TGM6: variants seen among roughly 807,000 people sequenced by gnomAD.
TGM6 encodes transglutaminase 6, also known as protein-glutamine gamma-glutamyltransferase 6.
TGM6 carries 74 observed loss-of-function variants against 77.5 expected under a neutral mutation model. That is an observed-to-expected ratio of 0.96 (90% CI 0.79 to 1.16). The LOEUF (loss-of-function observed/expected upper bound fraction) is 1.16. TGM6 is among the 50% of genes most tolerant of loss of function. The probability of loss-of-function intolerance (pLI) is 0.00; values close to 1 mark genes in which losing one functional copy is unlikely to be tolerated. For missense variants in TGM6, 968 were observed against 940.2 expected (o/e 1.03, Z -0.39); for synonymous variants, 383 against 378.9 (o/e 1.01, Z -0.12).
At position 2,432,587 on chromosome 20, in the gene TGM6, C is replaced by T. The variant is rs76002756; in HGVS notation, c.2065C>T (p.Pro689Ser). The T allele has an allele frequency of 6.8e-6, 11 of 1,614,088 alleles. No homozygotes were observed. The East Asian group carries it at 2.2e-4, about 33-fold the overall frequency. ...PRQLQVDLVS[P>S]HFPDIKGFVI... ...GCAGCTGCAGGTGGACCTTGTAAGC[C>T]CTCACTTCCCGGACATCAAGGGCTT... Residue 689 changes from proline (P) to serine (S), a missense_variant, in exon 13 of 13, where the codon CCT (proline) becomes TCT (serine). Transcript: ENST00000202625.
At chr20:2,409,308 A>G (rs2084770557) in intron 9 of TGM6, among the ~76,000 whole-genome samples, 3 of 152,248 alleles carry the variant, frequency 2.0e-5, no homozygotes. Flanking sequence ...GCAATATGCC[A>G]AAATTTATAA....
In TGM6 at chr20:2,395,242, C is replaced by A. The variant is rs769790424; in HGVS notation, c.230C>A (p.Ser77Ter). ...ALHTKAVFQTSELERGEGWTA... is the reference protein window; with the variant it reads ...ALHTKAVFQT ...CACACCAAAGCTGTGTTCCAGACATCGGAGCTGGAGCGGGGTGAGGGCTGG... is the reference window on the plus strand; with the variant it reads ...CACACCAAAGCTGTGTTCCAGACATAGGAGCTGGAGCGGGGTGAGGGCTGG... Residue 77 changes from serine (S) to a stop codon, truncating the protein, a stop_gained, in exon 3 of 13, where the codon TCG becomes TAG. Transcript: ENST00000202625. LOFTEE classifies it high-confidence loss of function. 3 of 1,614,032 alleles carry A rather than the reference C, an allele frequency of 1.9e-6. No individual in the cohort carries two copies. The South Asian group carries it at 3.3e-5, about 18-fold the overall frequency.
intron 1 of TGM6, among the ~76,000 whole-genome samples, chr20:2,392,412 C>T (rs1479099403): frequency 6.6e-6 from 1 of 152,216 alleles, no homozygotes; most frequent in African/African-American, 2.4e-5. Flanking sequence ...GTTCTTTCAG[C>T]TCCCATCCTT....
intron 9 of TGM6, among the ~76,000 whole-genome samples, chr20:2,414,816 A>G (rs1181251108): frequency 6.7e-6 from 1 of 150,284 alleles, no homozygotes; most frequent in African/African-American, 2.4e-5. Flanking sequence ...CACGTGTTGT[A>G]TGATTCCCTT....
chr20:2,406,831 C>CAAAAAAAAA (rs3050731), intron 9 of TGM6, among the ~76,000 whole-genome samples: 31 of 63,702 alleles, frequency 4.9e-4, no homozygotes, highest in Admixed American at 8.9e-4. Flanking sequence ...CGAAACTCCT[C>CAAAAAAAAA]AAAAAAAAAA....
chr20:2,384,709 T>G (rs2084582487), intron 1 of TGM6, among the ~76,000 whole-genome samples: 1 of 152,082 alleles, frequency 6.6e-6, no homozygotes. Context: ...AAATCAGGCT[T>G]CTAGTTGCTG....
At chr20:2,382,961 C>G (rs1169726292) in intron 1 of TGM6, among the ~76,000 whole-genome samples, 2 of 152,086 alleles carry the variant, frequency 1.3e-5, no homozygotes, top group African/African-American at 4.8e-5. Flanking sequence ...TCAGAGATTC[C>G]AAGAATTGAG....
At chr20:2,408,291 G>A (rs1386980892) in intron 9 of TGM6, among the ~76,000 whole-genome samples, 1 of 152,162 alleles carries the variant, frequency 6.6e-6, no homozygotes, top group Non-Finnish European at 1.5e-5. Flanking sequence ...CAGAGCCCCT[G>A]GGTACAACAT....
At chr20:2,401,405 C>T (rs1455354994) in intron 7 of TGM6, among the ~76,000 whole-genome samples, 1 of 152,194 alleles carries the variant, frequency 6.6e-6, no homozygotes, top group Admixed American at 6.5e-5. Context: ...GCTCTGCAGA[C>T]ACGAGCACAT....
intron 7 of TGM6, among the ~76,000 whole-genome samples, chr20:2,402,367 G>A (rs941084936): frequency 6.6e-6 from 1 of 152,100 alleles, no homozygotes; most frequent in Non-Finnish European, 1.5e-5. Context: ...AGCCCTTCCC[G>A]AGCTGGCCTC....
intron 5 of TGM6, among the ~76,000 whole-genome samples, chr20:2,399,199 A>G (rs2084688605): frequency 6.6e-6 from 1 of 152,252 alleles, no homozygotes; most frequent in South Asian, 2.1e-4. Flanking sequence ...AGGTTAATAT[A>G]GTGTGCACAA....
At chr20:2,411,156 CAGA>C (rs760146262) in intron 9 of TGM6, among the ~76,000 whole-genome samples, 7 of 152,046 alleles carry the variant, frequency 4.6e-5, no homozygotes, top group African/African-American at 7.2e-5. Context: ...CAGATGACAT[CAGA>C]AGAAAAGAAA....
At chr20:2,424,791 A>G (rs1229648624) in intron 10 of TGM6, among the ~76,000 whole-genome samples, 1 of 152,132 alleles carries the variant, frequency 6.6e-6, no homozygotes, top group East Asian at 1.9e-4. Context: ...CTAGCTTTTG[A>G]CTTAAAGTGA....
At chr20:2,430,797 C>T (rs1366350894) in intron 11 of TGM6, 97 bp from the exon 12 acceptor site, 1 of 1,607,408 alleles carries the variant, frequency 6.2e-7, no homozygotes, top group African/African-American at 1.3e-5. Context: ...TGGGGGTGGA[C>T]ATGACTAATG....
At chr20:2,414,087 G>T (rs1472840036) in intron 9 of TGM6, among the ~76,000 whole-genome samples, 1 of 151,954 alleles carries the variant, frequency 6.6e-6, no homozygotes, top group East Asian at 1.9e-4. Context: ...GCACCTGAAA[G>T]TCCAAGGCAT....
intron 1 of TGM6, among the ~76,000 whole-genome samples, chr20:2,387,849 A>C (rs1003325923): frequency 6.6e-6 from 1 of 152,212 alleles, no homozygotes; most frequent in African/African-American, 2.4e-5. Flanking sequence ...TGAAGGACCC[A>C]CTTGCCAGAT....
At chr20:2,424,462 G>A (rs1028099754) in intron 10 of TGM6, among the ~76,000 whole-genome samples, 1 of 152,260 alleles carries the variant, frequency 6.6e-6, no homozygotes, top group South Asian at 2.1e-4. Context: ...CTTGTCTTCT[G>A]TAGCTTCCTA....
chr20:2,381,089 A>G, intron 1 of TGM6, 114 bp downstream of exon 1: 12 of 1,439,386 alleles, frequency 8.3e-6, no homozygotes, highest in Non-Finnish European at 1.2e-5. Context: ...TTACAGCTGG[A>G]TAGTCCACCA....
In TGM6 at chr20:2,432,532, T is replaced by A. The variant is rs2084930423; in HGVS notation, c.2010T>A (p.Phe670Leu). 1 of 1,613,990 alleles carries A rather than the reference T, an allele frequency of 6.2e-7. No individual in the cohort carries two copies. Among genetic ancestry groups the A allele is most frequent in the African/African-American group, 1.3e-5 (1 of 74,898 alleles). The change falls in exon 13 of 13, where the codon TTT becomes TTA. Residue 670 changes from phenylalanine to leucine, a missense_variant. Transcript: ENST00000202625. ...CTCAGGAGAGGGCCTCAGTCCAGTT[T>A]GACATCACCCCCTCCAAAAGTGGCC... Reference protein sequence around the residue: ...LEPQERASVQFDITPSKSGPR... With the variant: ...LEPQERASVQLDITPSKSGPR...
Sources: allele counts gnomAD v4.1 joint callset (sites outside exome capture counted in the v4.1 genomes callset), GRCh38; gene constraint gnomAD v4.1.1; transcripts MANE v1.5; gene names NCBI Gene and HGNC (gene_info 2026-07-23, HGNC 2026-07-21).